Variants in PRSS23 observed in about 807,000 individuals in gnomAD.
The protein encoded by PRSS23 is protease, serine 23.
Under a neutral mutation model 34.7 loss-of-function variants are expected in PRSS23, and 25 were observed. The ratio of observed to expected loss-of-function variants is 0.72; its 90% CI spans 0.53 to 1.01. PRSS23 has a LOEUF of 1.01. Among genes scored for constraint, PRSS23 ranks in the 50% least tolerant of loss-of-function variants. The pLI is 0.00. For synonymous variants in PRSS23, 176 were observed against 186.6 expected (o/e 0.94, Z 0.46); for missense variants, 445 against 475.6 (o/e 0.94, Z 0.60).
At chr11:86,869,913 A>G (rs552159122) in intron 2 of PRSS23, among the ~76,000 whole-genome samples, 9 of 152,290 alleles carry the variant, frequency 5.9e-5, no homozygotes, top group African/African-American at 7.2e-5. Context: ...AATATTGAAT[A>G]CTGAATTAAT....
intron 2 of PRSS23, among the ~76,000 whole-genome samples, chr11:86,918,459 T>A (rs1399977242): frequency 6.6e-6 from 1 of 152,252 alleles, no homozygotes; most frequent in Non-Finnish European, 1.5e-5. Flanking sequence ...CTGCTTCAGA[T>A]CTTTGTTCAA....
At chr11:86,855,101 G>A (rs192850497) in intron 2 of PRSS23, among the ~76,000 whole-genome samples, 3 of 151,930 alleles carry the variant, frequency 2.0e-5, no homozygotes, top group Non-Finnish European at 2.9e-5. Flanking sequence ...AGGAGGCAGA[G>A]GTTGTGGTGA....
chr11:86,832,643 C>G, intron 2 of PRSS23: 1 of 463,234 alleles, frequency 2.2e-6, no homozygotes, highest in South Asian at 1.6e-5. Context: ...GGCCACTGCA[C>G]CCTTTCTGGG....
At chr11:86,951,522 C>T (rs774694389) in exon 3 of PRSS23, 7 of 1,614,138 alleles carry the variant, frequency 4.3e-6, no homozygotes, top group Non-Finnish European at 5.9e-6. Context: ...TTGAACAAGG[C>T]CACCAAACCT....
intron 2 of PRSS23, among the ~76,000 whole-genome samples, chr11:86,945,262 G>A (rs944832717): frequency 6.7e-6 from 1 of 149,844 alleles, no homozygotes; most frequent in Non-Finnish European, 1.5e-5. Flanking sequence ...CCTTTTTTAA[G>A]AGGCCAAAAG....
chr11:86,837,984 C>G (rs549917972), intron 2 of PRSS23, among the ~76,000 whole-genome samples: 121 of 152,112 alleles, frequency 8.0e-4, no homozygotes, highest in African/African-American at 2.8e-3. Flanking sequence ...CAGGGTGTCA[C>G]CTCACCTGGG....
At chr11:86,826,335 T>A (rs942573904) in intron 2 of PRSS23, among the ~76,000 whole-genome samples, 2 of 152,210 alleles carry the variant, frequency 1.3e-5, no homozygotes, top group Non-Finnish European at 2.9e-5. Context: ...TTTTTGTACA[T>A]TGATTTTGTA....
At chr11:86,940,346 A>C (rs11234889) in intron 2 of PRSS23, among the ~76,000 whole-genome samples, 1 of 152,124 alleles carries the variant, frequency 6.6e-6, no homozygotes, top group Non-Finnish European at 1.5e-5. Context: ...CTTGCCTCTG[A>C]AACACTGGCA....
chr11:86,822,047 G>C (rs553902135), intron 1 of PRSS23, among the ~76,000 whole-genome samples: 2 of 152,274 alleles, frequency 1.3e-5, no homozygotes, highest in South Asian at 4.1e-4. Context: ...TCTTCCTAGA[G>C]AGCTTGTGAT....
Position 86,823,419 on chromosome 11 carries a change from G to A in PRSS23, c.32G>A (p.Trp11Ter), listed in dbSNP as rs1401423084. The change falls in exon 2 of 3, where the codon TGG becomes TAG. Residue 11 changes from tryptophan (W) to a stop codon, truncating the protein, a stop_gained. Coordinates refer to the PRSS23 transcript ENST00000533902. LOFTEE classifies it high-confidence loss of function. ...AGAATGAGACCTGTGTGCCAACCCT[G>A]GCCTAGTCCTCATGCCCCCACAACT... The A allele has an allele frequency of 1.9e-5, 13 of 702,166 alleles. No individual in the cohort carries two copies. In the East Asian group the frequency reaches 3.5e-4, roughly 19 times the overall value. 43.5% of individuals were successfully genotyped at this position (702,166 alleles called of 1,614,324 possible). A position where few individuals can be genotyped will look rare whatever the true frequency, so the allele number is the denominator to read the frequency against.
Position 86,808,475 on chromosome 11 carries a change from C to T in PRSS23, c.832C>T (p.His278Tyr), listed in dbSNP as rs967836388. 2.5e-5 allele frequency: 41 copies of T among 1,614,082 alleles called. No individual in the cohort carries two copies. The highest frequency in any genetic ancestry group is 3.3e-5 in the Non-Finnish European group (39 of 1,180,048). The part of the protein sequence containing the change: ...PAKQLPGGRI[H>Y]FSGYDNDRPG... ...TAAGCAGCTGCCAGGGGGCAGAATT[C>T]ACTTCTCTGGTTATGACAATGACCG... The change falls in exon 2 of 2, where the codon CAC becomes TAC. Residue 278 changes from histidine (H) to tyrosine (Y), a missense_variant. By Grantham distance (83) the His-to-Tyr change is moderately conservative. Coordinates refer to ENST00000280258, the MANE Select transcript of PRSS23 (RefSeq NM_007173.6).
At chr11:86,825,180 T>C (rs534636409) in intron 2 of PRSS23, among the ~76,000 whole-genome samples, 3 of 151,966 alleles carry the variant, frequency 2.0e-5, no homozygotes, top group Admixed American at 6.6e-5. Flanking sequence ...TTCTAACTGG[T>C]GTGAGATGGT....
At chr11:86,941,281 C>T (rs1041922281) in intron 2 of PRSS23, among the ~76,000 whole-genome samples, 2 of 152,128 alleles carry the variant, frequency 1.3e-5, no homozygotes, top group African/African-American at 4.8e-5. Flanking sequence ...AACCACAAGA[C>T]CTATGGACTT....
chr11:86,874,323 G>A (rs936821763), intron 2 of PRSS23, among the ~76,000 whole-genome samples: 5 of 152,272 alleles, frequency 3.3e-5, no homozygotes, highest in East Asian at 1.9e-4. Context: ...TATAGGACAC[G>A]CAGTTAAATT....
intron 1 of PRSS23, among the ~76,000 whole-genome samples, chr11:86,794,581 C>T (rs1226699898): frequency 6.6e-6 from 1 of 152,070 alleles, no homozygotes; most frequent in East Asian, 1.9e-4. Context: ...GTATGTTAAG[C>T]TTTTATATAT....
At chr11:86,943,924 A>G (rs1949223189) in intron 2 of PRSS23, among the ~76,000 whole-genome samples, 1 of 151,930 alleles carries the variant, frequency 6.6e-6, no homozygotes, top group African/African-American at 2.4e-5. Flanking sequence ...TATTTTTAGT[A>G]GAGACGGGGT....
intron 2 of PRSS23, among the ~76,000 whole-genome samples, chr11:86,876,966 G>A (rs2134954756): frequency 6.6e-6 from 1 of 152,288 alleles, no homozygotes; most frequent in East Asian, 1.9e-4. Context: ...ATAAGAAAGA[G>A]TTGTATAACC....
At chr11:86,870,253 G>T (rs1331671066) in intron 2 of PRSS23, among the ~76,000 whole-genome samples, 1 of 113,314 alleles carries the variant, frequency 8.8e-6, no homozygotes, top group Non-Finnish European at 1.8e-5. Context: ...TTTTTTAAGG[G>T]AGGGGAAAAA....
intron 1 of PRSS23, among the ~76,000 whole-genome samples, chr11:86,794,880 T>C (rs1947971262): frequency 6.6e-6 from 1 of 152,164 alleles, no homozygotes. Context: ...CTGACAAATA[T>C]ATAAACCTTG....
Sources: allele counts gnomAD v4.1 joint callset (sites outside exome capture counted in the v4.1 genomes callset), GRCh38; gene constraint gnomAD v4.1.1; transcripts MANE v1.5; gene names NCBI Gene and HGNC (gene_info 2026-07-23, HGNC 2026-07-21).